CPAP: variants seen among roughly 807,000 people sequenced by gnomAD.
The protein encoded by CPAP is centrosomal P4.1-associated protein.
chr13:24,907,238 T>C, the CPAP span: 2 of 1,483,838 alleles, frequency 1.3e-6, no homozygotes, highest in East Asian at 2.3e-5. Context: ...TCATAATGTG[T>C]GAATATTTTA....
the CPAP span, among the ~76,000 whole-genome samples, chr13:24,893,763 T>C: frequency 2.0e-5 from 3 of 152,214 alleles, no homozygotes; most frequent in Admixed American, 6.5e-5. Context: ...GGATTTAATA[T>C]GAAAATGGTA....
the CPAP span, chr13:24,883,969 A>ACTC: frequency 6.2e-7 from 1 of 1,614,098 alleles, no homozygotes; most frequent in Non-Finnish European, 8.5e-7. Flanking sequence ...ATACCGTTGT[A>ACTC]CTCTGACAAT....
At chr13:24,932,621 G>C in the CPAP span, among the ~76,000 whole-genome samples, 41 of 152,238 alleles carry the variant, frequency 2.7e-4, 1 homozygote, top group South Asian at 8.5e-3. Flanking sequence ...GAGTCTTTTT[G>C]AATGCATAGA....
the CPAP span, chr13:24,883,087 T>C: frequency 5.3e-5 from 62 of 1,172,982 alleles, no homozygotes; most frequent in African/African-American, 5.6e-4. Flanking sequence ...TCCCCACACA[T>C]ACACAATAAA....
At chr13:24,899,448 G>A in the CPAP span, 3 of 1,613,458 alleles carry the variant, frequency 1.9e-6, no homozygotes, top group African/African-American at 4.0e-5. Context: ...TTTTTATCTG[G>A]AAAAGTTCTT....
At chr13:24,911,602 T>C in the CPAP span, among the ~76,000 whole-genome samples, 6 of 152,078 alleles carry the variant, frequency 3.9e-5, no homozygotes, top group African/African-American at 1.4e-4. Flanking sequence ...GGTGCCATTA[T>C]AGCTCACTGC....
At chr13:24,906,922 T>G in the CPAP span, 2 of 1,613,972 alleles carry the variant, frequency 1.2e-6, no homozygotes, top group African/African-American at 2.7e-5. Flanking sequence ...AAAATGGTTG[T>G]TTTGGTTTTG....
At chr13:24,901,023 G>A in the CPAP span, among the ~76,000 whole-genome samples, 57 of 152,270 alleles carry the variant, frequency 3.7e-4, no homozygotes, top group African/African-American at 1.2e-3. Context: ...AGAGAACAAC[G>A]AGGCAGTGGG....
the CPAP span, among the ~76,000 whole-genome samples, chr13:24,916,362 G>A: frequency 5.9e-5 from 9 of 152,172 alleles, no homozygotes; most frequent in South Asian, 2.1e-4. Flanking sequence ...AGGCAAACAC[G>A]TATGTCATTT....
At chr13:24,927,299 C>T in the CPAP span, among the ~76,000 whole-genome samples, 12 of 152,082 alleles carry the variant, frequency 7.9e-5, no homozygotes, top group East Asian at 1.9e-4. Context: ...TTGGGTAGAA[C>T]GGTGACCTTT....
At chr13:24,884,046 A>C in the CPAP span, 2 of 1,614,036 alleles carry the variant, frequency 1.2e-6, no homozygotes, top group Non-Finnish European at 1.7e-6. Context: ...TCTGGTCAGG[A>C]AACGTGATTT....
At chr13:24,911,853 A>C in the CPAP span, 2 of 1,496,078 alleles carry the variant, frequency 1.3e-6, no homozygotes, top group Non-Finnish European at 1.9e-6. Flanking sequence ...TGGAGTTCAC[A>C]ACACATGATA....
At chr13:24,915,163 C>T in the CPAP span, among the ~76,000 whole-genome samples, 626 of 152,270 alleles carry the variant, frequency 4.1e-3, 4 homozygotes, top group Non-Finnish European at 6.5e-3. Flanking sequence ...TACTGCCCCT[C>T]CTTTATTGTC....
chr13:24,886,598 G>A, the CPAP span, among the ~76,000 whole-genome samples: 2 of 152,122 alleles, frequency 1.3e-5, no homozygotes, highest in Non-Finnish European at 2.9e-5. Flanking sequence ...TGAGCAAAGG[G>A]GCAGATGGCA....
chr13:24,900,812 G>C, the CPAP span, among the ~76,000 whole-genome samples: 2 of 152,192 alleles, frequency 1.3e-5, no homozygotes, highest in African/African-American at 4.8e-5. Context: ...CTCTGAGGCA[G>C]TGAAGCAGTC....
the CPAP span, chr13:24,885,160 A>G: frequency 1.4e-6 from 1 of 713,044 alleles, no homozygotes; most frequent in East Asian, 2.7e-5. Context: ...TGAACGAGAA[A>G]TGGCAACTAA....
At chr13:24,924,733 C>T in the CPAP span, 1 of 152,196 alleles carries the variant, frequency 6.6e-6, no homozygotes, top group Non-Finnish European at 1.5e-5. Flanking sequence ...TTTATGCCAT[C>T]ATAGGAGTCA....
At chr13:24,885,529 A>G in the CPAP span, 3 of 1,270,368 alleles carry the variant, frequency 2.4e-6, no homozygotes, top group Non-Finnish European at 3.5e-6. Context: ...GTGGTTTAGA[A>G]ACGTTAAGTC....
the CPAP span, chr13:24,884,598 T>C: frequency 1.8e-5 from 15 of 844,180 alleles, no homozygotes; most frequent in Admixed American, 9.7e-5. Context: ...CTTTATTTCG[T>C]GAGGAGTAGC....
Sources: allele counts gnomAD v4.1 joint callset (sites outside exome capture counted in the v4.1 genomes callset), GRCh38; gene constraint gnomAD v4.1.1; transcripts MANE v1.5; gene names NCBI Gene and HGNC (gene_info 2026-07-23, HGNC 2026-07-21).